The following ACTR3C variants were observed in gnomAD, a reference collection of about 807,000 sequenced individuals.
The protein encoded by ACTR3C is actin related protein 3C.
ACTR3C carries 18 observed loss-of-function variants against 26.3 expected under a neutral mutation model. The observed-to-expected ratio is 0.68, with a 90% CI of 0.47 to 1.01. ACTR3C has a LOEUF of 1.01. ACTR3C is among the 50% of genes least tolerant of loss of function. ACTR3C has a pLI of 0.00. For synonymous variants in ACTR3C, 55 were observed against 94.5 expected (o/e 0.58, Z 2.42); for missense variants, 184 against 250.7 (o/e 0.73, Z 1.80).
At chr7:149,896,906 C>T in the ACTR3C span, among the ~76,000 whole-genome samples, 33 of 151,516 alleles carry the variant, frequency 2.2e-4, no homozygotes, top group Non-Finnish European at 3.8e-4. Flanking sequence ...CTTAAAAATA[C>T]AAAAATTAGC....
chr7:149,912,174 A>G, the ACTR3C span, among the ~76,000 whole-genome samples: 1 of 151,746 alleles, frequency 6.6e-6, no homozygotes, highest in African/African-American at 2.4e-5. Context: ...TCTAGTAGAT[A>G]CCTGATAGGC....
the ACTR3C span, among the ~76,000 whole-genome samples, chr7:150,073,153 G>A: frequency 5.3e-5 from 8 of 152,176 alleles, no homozygotes; most frequent in African/African-American, 1.7e-4. Context: ...TGGGACTAGC[G>A]TCCTTAGCAG....
the ACTR3C span, among the ~76,000 whole-genome samples, chr7:150,032,963 G>A: frequency 2.0e-5 from 3 of 152,160 alleles, no homozygotes; most frequent in Non-Finnish European, 4.4e-5. Context: ...TTGCTGATGT[G>A]CAAAAGGTCT....
chr7:149,894,624 G>T, the ACTR3C span, among the ~76,000 whole-genome samples: 23 of 152,184 alleles, frequency 1.5e-4, no homozygotes, highest in East Asian at 2.1e-3. Flanking sequence ...TGGCCAACAG[G>T]TATATGAAAA....
At chr7:149,928,837 C>T in the ACTR3C span, among the ~76,000 whole-genome samples, 12 of 151,264 alleles carry the variant, frequency 7.9e-5, no homozygotes, top group South Asian at 4.2e-4. Context: ...AGCAAGACTC[C>T]GTCTCAAAAA....
chr7:150,026,808 T>C, the ACTR3C span, among the ~76,000 whole-genome samples: 6 of 152,140 alleles, frequency 3.9e-5, no homozygotes, highest in Non-Finnish European at 7.3e-5. Flanking sequence ...TTTGACAGCA[T>C]GTATATTAGA....
chr7:150,317,886 G>T lies in ACTR3C; in HGVS notation c.-52+5583C>A, dbSNP rs537372901. 3.1e-4 allele frequency among the ~76,000 whole-genome samples: 47 copies of T among 152,034 alleles called. No homozygotes were observed. The South Asian group carries it at 9.2e-3, about 30-fold the overall frequency. ...AAGAACACATCTGCAGTTGAATGGGGTTGGGTTTATCGGCTCCTTGCAAGG... is the reference window on the plus strand; with the variant it reads ...AAGAACACATCTGCAGTTGAATGGGTTTGGGTTTATCGGCTCCTTGCAAGG... On this transcript the variant is annotated intron_variant, in intron 1 of 7. Transcript: ENST00000683684.
At chr7:150,081,619 G>A in the ACTR3C span, among the ~76,000 whole-genome samples, 4,514 of 150,996 alleles carry the variant, frequency 0.03, 384 homozygotes, top group African/African-American at 0.1. Flanking sequence ...CATGATGGAG[G>A]TTTAAATTAT....
chr7:150,207,972 C>A, the ACTR3C span, among the ~76,000 whole-genome samples: 1 of 151,878 alleles, frequency 6.6e-6, no homozygotes, highest in Non-Finnish European at 1.5e-5. Flanking sequence ...CACTTCTAGT[C>A]AAAATAGAGA....
chr7:150,077,247 G>A, the ACTR3C span, among the ~76,000 whole-genome samples: 1 of 152,140 alleles, frequency 6.6e-6, no homozygotes, highest in East Asian at 1.9e-4. Flanking sequence ...TCGTGATGCT[G>A]ATTGTTATAG....
the ACTR3C span, among the ~76,000 whole-genome samples, chr7:150,020,426 G>A: frequency 6.6e-6 from 1 of 152,098 alleles, no homozygotes; most frequent in Non-Finnish European, 1.5e-5. Flanking sequence ...GTTTCAAAGA[G>A]CTGTATTCCT....
At chr7:150,036,337 C>A in the ACTR3C span, among the ~76,000 whole-genome samples, 449 of 147,846 alleles carry the variant, frequency 3.0e-3, 2 homozygotes, top group Admixed American at 0.023. Context: ...CCTTTAGCAA[C>A]CCTGTCTAGT....
the ACTR3C span, among the ~76,000 whole-genome samples, chr7:149,926,739 G>T: frequency 3.9e-5 from 6 of 152,202 alleles, no homozygotes; most frequent in East Asian, 1.2e-3. Context: ...ATTCCTCCCA[G>T]CAAGTCACTG....
the ACTR3C span, among the ~76,000 whole-genome samples, chr7:150,219,167 GTAGA>G: frequency 2.7e-5 from 4 of 146,450 alleles, no homozygotes; most frequent in Non-Finnish European, 5.9e-5. Context: ...CTCCGAACAA[GTAGA>G]TAGTGTTTGG....
the ACTR3C span, among the ~76,000 whole-genome samples, chr7:150,172,127 A>T: frequency 6.6e-6 from 1 of 150,762 alleles, no homozygotes; most frequent in Non-Finnish European, 1.5e-5. Flanking sequence ...TAACTATTAA[A>T]AGGGTAATAA....
chr7:150,199,547 T>C, the ACTR3C span, among the ~76,000 whole-genome samples: 87 of 117,320 alleles, frequency 7.4e-4, 1 homozygote, highest in Non-Finnish European at 1.4e-3. Context: ...CCCTCCACTA[T>C]TGTCCCATGA....
the ACTR3C span, among the ~76,000 whole-genome samples, chr7:150,155,129 T>C: frequency 6.6e-6 from 1 of 152,006 alleles, no homozygotes; most frequent in Non-Finnish European, 1.5e-5. Context: ...CTTTTCTGAG[T>C]AGAGGAAAAG....
At chr7:150,117,150 G>T in the ACTR3C span, among the ~76,000 whole-genome samples, 3,992 of 152,220 alleles carry the variant, frequency 0.026, 171 homozygotes, top group African/African-American at 0.089. Flanking sequence ...CACAAAACTG[G>T]GTGGCCATTT....
chr7:149,931,188 A>G, the ACTR3C span, among the ~76,000 whole-genome samples: 6,182 of 148,020 alleles, frequency 0.042, no homozygotes, highest in Non-Finnish European at 0.059. Flanking sequence ...TTCTAAACGT[A>G]CATACTGTGC....
Sources: allele counts gnomAD v4.1 joint callset (sites outside exome capture counted in the v4.1 genomes callset), GRCh38; gene constraint gnomAD v4.1.1; transcripts MANE v1.5; gene names NCBI Gene and HGNC (gene_info 2026-07-23, HGNC 2026-07-21).